Variants in EBF1 observed in about 807,000 individuals in gnomAD.
EBF1 encodes EBF transcription factor 1.
A neutral mutation model predicts 68.4 loss-of-function variants in EBF1; 10 were observed. That is an observed-to-expected ratio of 0.15 (90% CI 0.09 to 0.25). The LOEUF (loss-of-function observed/expected upper bound fraction) is 0.25, where lower values mean the gene tolerates loss of function less well. EBF1 is among the 10% of genes least tolerant of loss of function. The pLI, the probability that EBF1 is intolerant of heterozygous loss-of-function variation, is 1.00. For missense variants in EBF1, 509 were observed against 794.4 expected (o/e 0.64, Z 4.32); for synonymous variants, 298 against 299.8 (o/e 0.99, Z 0.06).
chr5:158,954,586 GA>G (rs1181891286), intron 6 of EBF1, among the ~76,000 whole-genome samples: 1 of 152,228 alleles, frequency 6.6e-6, no homozygotes, highest in Non-Finnish European at 1.5e-5. Context: ...CTAACCTAAT[GA>G]GGGGGTACGG....
intron 9 of EBF1, among the ~76,000 whole-genome samples, chr5:158,777,902 G>C (rs1370706191): frequency 1.3e-5 from 2 of 152,182 alleles, no homozygotes; most frequent in Non-Finnish European, 2.9e-5. Context: ...GATGGGCCTG[G>C]TGTTTGAACT....
At chr5:158,916,411 AT>A (rs1393968255) in intron 6 of EBF1, among the ~76,000 whole-genome samples, 1 of 152,168 alleles carries the variant, frequency 6.6e-6, no homozygotes, top group East Asian at 1.9e-4. Context: ...ATCTCATTGG[AT>A]TTGATAGAAC....
At chr5:158,708,861 C>T (rs931030082) in intron 14 of EBF1, among the ~76,000 whole-genome samples, 1 of 152,126 alleles carries the variant, frequency 6.6e-6, no homozygotes, top group African/African-American at 2.4e-5. Flanking sequence ...ATGGGATATA[C>T]ATGAATGTTT....
intron 11 of EBF1, among the ~76,000 whole-genome samples, chr5:158,717,385 T>C (rs1760962421): frequency 6.6e-6 from 1 of 152,218 alleles, no homozygotes; most frequent in Non-Finnish European, 1.5e-5. Context: ...AAAATTGTTC[T>C]TAAATTCTTA....
intron 6 of EBF1, among the ~76,000 whole-genome samples, chr5:158,969,918 A>AAGAAAGAAAGAAAGAAAGAAAG (rs1282568991): frequency 3.8e-5 from 2 of 53,150 alleles, no homozygotes; most frequent in Admixed American, 1.8e-4. Flanking sequence ...GAAAGAAAGA[A>AAGAAAGAAAGAAAGAAAGAAAG]AAAAAAAAAA....
intron 6 of EBF1, among the ~76,000 whole-genome samples, chr5:159,029,298 AC>A (rs1768309176): frequency 6.6e-6 from 1 of 152,196 alleles, no homozygotes; most frequent in East Asian, 1.9e-4. Context: ...CTCACAAATA[AC>A]CAATAGAATC....
At chr5:159,032,409 C>T (rs1047275199) in intron 6 of EBF1, among the ~76,000 whole-genome samples, 4 of 152,194 alleles carry the variant, frequency 2.6e-5, no homozygotes, top group African/African-American at 9.7e-5. Flanking sequence ...TTTCCCTCAC[C>T]CATTCAAAAT....
At chr5:158,933,160 A>C (rs1205275674) in intron 6 of EBF1, among the ~76,000 whole-genome samples, 1 of 152,190 alleles carries the variant, frequency 6.6e-6, no homozygotes, top group Non-Finnish European at 1.5e-5. Flanking sequence ...TTGAAAACTA[A>C]AAATTCAAAG....
intron 6 of EBF1, among the ~76,000 whole-genome samples, chr5:158,846,875 C>A (rs1407525410): frequency 6.6e-6 from 1 of 152,116 alleles, no homozygotes; most frequent in Non-Finnish European, 1.5e-5. Context: ...ACTTAAGCAC[C>A]AATCATTCTG....
chr5:158,948,651 A>G (rs902697569), intron 6 of EBF1, among the ~76,000 whole-genome samples: 1 of 152,190 alleles, frequency 6.6e-6, no homozygotes, highest in African/African-American at 2.4e-5. Context: ...TTAAAGCCTG[A>G]GAAGAGGCCG....
chr5:158,996,578 G>C (rs1393349251), intron 6 of EBF1, among the ~76,000 whole-genome samples: 1 of 152,118 alleles, frequency 6.6e-6, no homozygotes, highest in Non-Finnish European at 1.5e-5. Flanking sequence ...GTTGTGGGGA[G>C]GCCAAAGACA....
chr5:158,703,359 T>C (rs1258096326), intron 15 of EBF1, among the ~76,000 whole-genome samples: 1 of 152,150 alleles, frequency 6.6e-6, no homozygotes, highest in African/African-American at 2.4e-5. Context: ...TTTTCCAAAG[T>C]TTTTCATATG....
At chr5:158,947,377 T>G (rs375380787) in intron 6 of EBF1, among the ~76,000 whole-genome samples, 1 of 152,134 alleles carries the variant, frequency 6.6e-6, no homozygotes, top group African/African-American at 2.4e-5. Flanking sequence ...GGGCAAAGCA[T>G]AGTATCTGGG....
chr5:158,957,185 G>A (rs1817309620), intron 6 of EBF1, among the ~76,000 whole-genome samples: 1 of 152,174 alleles, frequency 6.6e-6, no homozygotes, highest in Non-Finnish European at 1.5e-5. Context: ...CCATTTTACA[G>A]ATGAGAAAAC....
chr5:159,026,908 C>T (rs1767809359), intron 6 of EBF1, among the ~76,000 whole-genome samples: 1 of 152,210 alleles, frequency 6.6e-6, no homozygotes, highest in Admixed American at 6.5e-5. Context: ...CAAATTCCCA[C>T]TTGGGGGGAA....
chr5:158,991,191 A>G (rs972797621), intron 6 of EBF1, among the ~76,000 whole-genome samples: 4 of 152,248 alleles, frequency 2.6e-5, no homozygotes, highest in African/African-American at 9.6e-5. Context: ...AATTAAAGAA[A>G]TATGTTCCAC....
chr5:158,890,762 T>C (rs1461659058), intron 6 of EBF1, among the ~76,000 whole-genome samples: 1 of 152,208 alleles, frequency 6.6e-6, no homozygotes, highest in African/African-American at 2.4e-5. Flanking sequence ...TCATTTTCCC[T>C]TTACTTGGGA....
chr5:158,821,986 G>T (rs1002956035), intron 8 of EBF1, among the ~76,000 whole-genome samples: 1 of 152,174 alleles, frequency 6.6e-6, no homozygotes, highest in Admixed American at 6.5e-5. Context: ...AAAAAGCCAG[G>T]CAAAAATGAT....
intron 6 of EBF1, among the ~76,000 whole-genome samples, chr5:158,855,302 T>C (rs770665347): frequency 8.5e-5 from 13 of 152,236 alleles, no homozygotes; most frequent in Non-Finnish European, 1.6e-4. Context: ...TTCTAACTTT[T>C]CTTTAACTGA....
Sources: allele counts gnomAD v4.1 joint callset (sites outside exome capture counted in the v4.1 genomes callset), GRCh38; gene constraint gnomAD v4.1.1; transcripts MANE v1.5; gene names NCBI Gene and HGNC (gene_info 2026-07-23, HGNC 2026-07-21).